The following UMAD1 variants were observed in gnomAD, a reference collection of about 807,000 sequenced individuals.
UMAD1 encodes the protein UBAP1-MVB12-associated (UMA) domain containing 1.
UMAD1 carries 8 observed loss-of-function variants against 6.1 expected under a neutral mutation model. That is an observed-to-expected ratio of 1.30 (90% confidence interval 0.76 to 2.35). The LOEUF (loss-of-function observed/expected upper bound fraction) is 2.35, where lower values mean the gene tolerates loss of function less well. Among genes scored for constraint, UMAD1 ranks in the 30% most tolerant of loss-of-function variants. UMAD1 has a pLI of 0.00. For synonymous variants in UMAD1, 56 were observed against 31.4 expected (o/e 1.78, Z -2.61); for missense variants, 130 against 78.4 (o/e 1.66, Z -2.49).
Position 7,878,545 on chromosome 7 carries a change from C to G in UMAD1, c.*1007C>G, listed in dbSNP as rs1011431282. Reference sequence around the variant, plus strand: ...ATTACTTACTTTAATGAAAACAGAACTGCCATTGGTCAATAAACTGTAAAG... The same window carrying G: ...ATTACTTACTTTAATGAAAACAGAAGTGCCATTGGTCAATAAACTGTAAAG... On this transcript the variant is annotated 3_prime_UTR_variant, in exon 4 of 4. Transcript: ENST00000682710. 3 of 152,140 alleles carry G rather than the reference C, an allele frequency of 2.0e-5. No individual in the cohort carries two copies. Among genetic ancestry groups the G allele is most frequent in the Admixed American group, 2.0e-4 (3 of 15,276 alleles). 9.4% of individuals were successfully genotyped at this position (152,140 alleles called of 1,614,324 possible).
At chr7:7,826,143 A>G (rs1349781313) in intron 3 of UMAD1, among the ~76,000 whole-genome samples, 1 of 152,150 alleles carries the variant, frequency 6.6e-6, no homozygotes, top group African/African-American at 2.4e-5. Flanking sequence ...ATGTACATGG[A>G]TGAATCAGAA....
intron 2 of UMAD1, among the ~76,000 whole-genome samples, chr7:7,704,038 G>A (rs908140592): frequency 6.6e-6 from 1 of 152,158 alleles, no homozygotes; most frequent in Non-Finnish European, 1.5e-5. Context: ...CAGTTCTCAA[G>A]GAGATACTTT....
At chr7:7,793,756 TCCAAAAGCAAATAAATTTGG>T (rs1314825077) in intron 2 of UMAD1, among the ~76,000 whole-genome samples, 5 of 152,146 alleles carry the variant, frequency 3.3e-5, no homozygotes. Flanking sequence ...AAAATGAATG[TCCAAAAGCAAATAAATTTGG>T]CCATATAGAG....
chr7:7,803,172 C>G (rs1782836663), intron 3 of UMAD1, among the ~76,000 whole-genome samples: 2 of 152,202 alleles, frequency 1.3e-5, no homozygotes, highest in African/African-American at 4.8e-5. Context: ...TGATCTCTTT[C>G]ATTTATTCAA....
At position 7,796,244 on chromosome 7, in the gene UMAD1, C is replaced by CTTTTTTTTTTT. The variant is rs59221325; in HGVS notation, c.83-5412_83-5402dup. ...ACTTTGACCCATTTCTATTTTCTTT[C>CTTTTTTTTTTT]TTTTTTTTTTTTTTTTTTTTTTTTG... On this transcript the variant is annotated intron_variant, in intron 2 of 3. Coordinates refer to ENST00000682710, the MANE Select transcript of UMAD1 (RefSeq NM_001302348.2). 2.8e-3 allele frequency among the ~76,000 whole-genome samples: 182 copies of CTTTTTTTTTTT among 63,944 alleles called. 13 individuals carry two copies. Among genetic ancestry groups the CTTTTTTTTTTT allele is most frequent in the African/African-American group, 0.01 (105 of 10,242 alleles). The allele number at this position is 63,944 out of a possible 152,430, so 41.9% of individuals were successfully genotyped here.
intron 2 of UMAD1, among the ~76,000 whole-genome samples, chr7:7,792,828 G>C (rs1782594759): frequency 6.6e-6 from 1 of 152,176 alleles, no homozygotes; most frequent in Admixed American, 6.5e-5. Flanking sequence ...AGTCTGGTGA[G>C]GGCGCACTTT....
At chr7:7,661,434 A>G (rs185146510) in intron 1 of UMAD1, among the ~76,000 whole-genome samples, 4 of 152,128 alleles carry the variant, frequency 2.6e-5, no homozygotes, top group Admixed American at 6.5e-5. Flanking sequence ...GTTTGTCCCT[A>G]TCTTTGTGGA....
intron 2 of UMAD1, among the ~76,000 whole-genome samples, chr7:7,743,621 G>T (rs1781515310): frequency 6.6e-6 from 1 of 151,766 alleles, no homozygotes; most frequent in South Asian, 2.1e-4. Flanking sequence ...GACAAAGTGA[G>T]TCTATTGGAG....
At chr7:7,683,499 A>G (rs867798366) in intron 2 of UMAD1, among the ~76,000 whole-genome samples, 1 of 152,350 alleles carries the variant, frequency 6.6e-6, no homozygotes, top group Middle Eastern at 3.4e-3. Context: ...TGAGCCATAA[A>G]CAAAAAGCAA....
intron 2 of UMAD1, among the ~76,000 whole-genome samples, chr7:7,794,488 C>T (rs1403719100): frequency 1.3e-5 from 2 of 152,118 alleles, no homozygotes; most frequent in Non-Finnish European, 2.9e-5. Flanking sequence ...TGAACGGACC[C>T]CCTCTGGGCC....
intron 3 of UMAD1, among the ~76,000 whole-genome samples, chr7:7,876,975 T>C (rs957595543): frequency 2.0e-5 from 3 of 152,140 alleles, no homozygotes; most frequent in Admixed American, 2.0e-4. Flanking sequence ...AAAACGTACA[T>C]AGGATTTGGA....
chr7:7,866,980 A>G (rs1417909619), intron 3 of UMAD1, among the ~76,000 whole-genome samples: 1 of 152,180 alleles, frequency 6.6e-6, no homozygotes, highest in Non-Finnish European at 1.5e-5. Flanking sequence ...TTAAAAGCAG[A>G]AAAGTCAATA....
At chr7:7,819,671 G>A (rs1783204605) in intron 3 of UMAD1, among the ~76,000 whole-genome samples, 2 of 152,170 alleles carry the variant, frequency 1.3e-5, no homozygotes, top group Non-Finnish European at 2.9e-5. Context: ...AAGAAAAATG[G>A]GTTCACATTC....
chr7:7,678,396 C>T (rs1779803055), intron 2 of UMAD1, among the ~76,000 whole-genome samples: 1 of 142,144 alleles, frequency 7.0e-6, no homozygotes, highest in Non-Finnish European at 1.5e-5. Flanking sequence ...TGAGAAATAG[C>T]TATTCAGATA....
At chr7:7,649,139 C>A (rs10234456) in intron 1 of UMAD1, among the ~76,000 whole-genome samples, 36,337 of 124,746 alleles carry the variant, frequency 0.29, 4,832 homozygotes, top group Admixed American at 0.4. Context: ...GCCCGTGCGA[C>A]AAGAGCGAGA....
intron 2 of UMAD1, chr7:7,687,329 C>G (rs1203828937): frequency 6.6e-6 from 1 of 152,206 alleles, no homozygotes; most frequent in Non-Finnish European, 1.5e-5. Flanking sequence ...GTACACAGAT[C>G]TGCACTGACA....
chr7:7,741,654 CATG>C (rs1227024692), intron 2 of UMAD1, among the ~76,000 whole-genome samples: 1 of 150,350 alleles, frequency 6.7e-6, no homozygotes, highest in Non-Finnish European at 1.5e-5. Context: ...TTAGTTGAAA[CATG>C]ATTAGAATGA....
intron 2 of UMAD1, chr7:7,740,896 A>G (rs1235042394): frequency 6.6e-6 from 1 of 152,196 alleles, no homozygotes; most frequent in Non-Finnish European, 1.5e-5. Context: ...ATTTGGGTCC[A>G]AACCTATATA....
intron 2 of UMAD1, among the ~76,000 whole-genome samples, chr7:7,681,860 A>G (rs1779921328): frequency 6.6e-6 from 1 of 152,172 alleles, no homozygotes; most frequent in Non-Finnish European, 1.5e-5. Context: ...AGTTAGGAAA[A>G]GGGATATTGC....
Sources: gnomAD v4.1 joint callset for allele counts (sites outside exome capture counted in the v4.1 genomes callset) on GRCh38, gnomAD v4.1.1 for gene constraint, MANE v1.5 for transcripts, NCBI Gene and HGNC (gene_info 2026-07-23, HGNC 2026-07-21) for gene names.